The following CSNK2A2IP variants were observed in gnomAD, a reference collection of about 807,000 sequenced individuals.
The protein encoded by CSNK2A2IP is casein kinase 2 subunit alpha' interacting protein.
the CSNK2A2IP span, among the ~76,000 whole-genome samples, chr3:88,463,506 C>T: frequency 2.0e-5 from 3 of 152,172 alleles, no homozygotes; most frequent in South Asian, 4.1e-4. Flanking sequence ...ATAACAGACA[C>T]TTCTCAAAAG....
the CSNK2A2IP span, among the ~76,000 whole-genome samples, chr3:88,446,822 A>C: frequency 0.014 from 2,076 of 152,256 alleles, 40 homozygotes; most frequent in African/African-American, 0.048. Flanking sequence ...CAAGCTTTTT[A>C]ACTATGCTTT....
chr3:88,363,411 T>C, the CSNK2A2IP span, among the ~76,000 whole-genome samples: 5 of 152,224 alleles, frequency 3.3e-5, no homozygotes, highest in African/African-American at 1.2e-4. Context: ...TTAAAAAGTA[T>C]CTTTCATGTC....
chr3:88,423,059 G>A, the CSNK2A2IP span, among the ~76,000 whole-genome samples: 44 of 152,274 alleles, frequency 2.9e-4, no homozygotes, highest in Non-Finnish European at 5.3e-4. Context: ...GTTGTCCAGC[G>A]TGGAATACTT....
At chr3:88,351,330 T>A in the CSNK2A2IP span, among the ~76,000 whole-genome samples, 2 of 152,260 alleles carry the variant, frequency 1.3e-5, no homozygotes, top group South Asian at 4.1e-4. Context: ...GACAGCTTGT[T>A]AGATAAATAC....
At chr3:88,379,681 G>T in the CSNK2A2IP span, among the ~76,000 whole-genome samples, 1 of 152,022 alleles carries the variant, frequency 6.6e-6, no homozygotes, top group Non-Finnish European at 1.5e-5. Context: ...GAAAACAGGG[G>T]AAAAGGTCAT....
the CSNK2A2IP span, among the ~76,000 whole-genome samples, chr3:88,436,111 G>A: frequency 6.6e-6 from 1 of 151,920 alleles, no homozygotes; most frequent in Non-Finnish European, 1.5e-5. Flanking sequence ...TTTACTGTAT[G>A]ATGTTCTTTA....
chr3:88,449,820 GACACACACACAC>G, the CSNK2A2IP span, among the ~76,000 whole-genome samples: 2 of 47,118 alleles, frequency 4.2e-5, no homozygotes, highest in African/African-American at 1.3e-4. Flanking sequence ...TTTATATCGA[GACACACACACAC>G]ACACACACAC....
the CSNK2A2IP span, among the ~76,000 whole-genome samples, chr3:88,354,300 C>T: frequency 6.6e-6 from 1 of 152,110 alleles, no homozygotes; most frequent in South Asian, 2.1e-4. Flanking sequence ...GGTAAGAGTG[C>T]TATTATCTAT....
At chr3:88,423,202 T>C in the CSNK2A2IP span, among the ~76,000 whole-genome samples, 2 of 152,200 alleles carry the variant, frequency 1.3e-5, no homozygotes, top group African/African-American at 4.8e-5. Flanking sequence ...TTGATGAACA[T>C]CTTCATTTAT....
the CSNK2A2IP span, among the ~76,000 whole-genome samples, chr3:88,345,789 C>G: frequency 6.6e-6 from 1 of 151,844 alleles, no homozygotes; most frequent in African/African-American, 2.4e-5. Flanking sequence ...ATTTAATAAC[C>G]CTACAATGAC....
At chr3:88,423,527 A>G in the CSNK2A2IP span, among the ~76,000 whole-genome samples, 1 of 151,978 alleles carries the variant, frequency 6.6e-6, no homozygotes, top group Admixed American at 6.6e-5. Context: ...GATGAAAGGG[A>G]CTCCAGAAGC....
At chr3:88,435,459 T>A in the CSNK2A2IP span, among the ~76,000 whole-genome samples, 3 of 152,146 alleles carry the variant, frequency 2.0e-5, no homozygotes, top group Non-Finnish European at 4.4e-5. Flanking sequence ...TTTCCATGTG[T>A]GTCTATATGA....
the CSNK2A2IP span, among the ~76,000 whole-genome samples, chr3:88,451,728 T>C: frequency 1.7e-5 from 2 of 117,982 alleles, no homozygotes; most frequent in Non-Finnish European, 3.6e-5. Context: ...GTAATCTCTC[T>C]CTCTTTTTTT....
chr3:88,397,814 T>TAGTA, the CSNK2A2IP span, among the ~76,000 whole-genome samples: 2 of 152,006 alleles, frequency 1.3e-5, no homozygotes, highest in African/African-American at 4.8e-5. Context: ...TAAGTCCAAA[T>TAGTA]AGTAAGTGTT....
the CSNK2A2IP span, among the ~76,000 whole-genome samples, chr3:88,463,112 G>T: frequency 6.6e-6 from 1 of 152,164 alleles, no homozygotes; most frequent in African/African-American, 2.4e-5. Context: ...AAGTTGGCAT[G>T]TATAAGAAAT....
chr3:88,418,582 G>A, the CSNK2A2IP span, among the ~76,000 whole-genome samples: 4 of 151,912 alleles, frequency 2.6e-5, no homozygotes, highest in African/African-American at 7.3e-5. Flanking sequence ...ATTGACAGGA[G>A]GTAAGGGGAA....
the CSNK2A2IP span, among the ~76,000 whole-genome samples, chr3:88,410,291 CT>C: frequency 6.6e-6 from 1 of 151,940 alleles, no homozygotes; most frequent in Admixed American, 6.6e-5. Flanking sequence ...ATTGGGAGAG[CT>C]TTTTTTATAG....
the CSNK2A2IP span, among the ~76,000 whole-genome samples, chr3:88,429,993 C>T: frequency 6.6e-6 from 1 of 151,594 alleles, no homozygotes; most frequent in Non-Finnish European, 1.5e-5. Context: ...GATCTCCTGA[C>T]CTCGTGATCC....
At chr3:88,466,882 G>T in the CSNK2A2IP span, 1 of 1,203,854 alleles carries the variant, frequency 8.3e-7, no homozygotes, top group Non-Finnish European at 1.0e-6. Context: ...AACACCTGAG[G>T]CCAATTCTGA....
Sources: allele counts gnomAD v4.1 joint callset (sites outside exome capture counted in the v4.1 genomes callset), GRCh38; gene constraint gnomAD v4.1.1; transcripts MANE v1.5; gene names NCBI Gene and HGNC (gene_info 2026-07-23, HGNC 2026-07-21).